The following RUFY3 variants were observed in gnomAD, a reference collection of about 807,000 sequenced individuals.
The protein encoded by RUFY3 is protein RUFY3.
In RUFY3, 34 loss-of-function variants were observed where a neutral mutation model predicts 84.0. The ratio of observed to expected loss-of-function variants is 0.40; its 90% CI spans 0.31 to 0.54. The LOEUF is 0.54. Ranked by LOEUF, RUFY3 falls within the 20% of genes least tolerant of loss-of-function variation. The pLI, the probability that RUFY3 is intolerant of heterozygous loss-of-function variation, is 0.39. For synonymous variants in RUFY3, 242 were observed against 252.9 expected, an observed-to-expected ratio of 0.96 and a Z score of 0.41; for missense variants, 507 against 736.8, an observed-to-expected ratio of 0.69 and a Z score of 3.61.
intron 1 of RUFY3, among the ~76,000 whole-genome samples, chr4:70,760,468 A>G (rs1724830814): frequency 6.6e-6 from 1 of 152,004 alleles, no homozygotes; most frequent in Non-Finnish European, 1.5e-5. Context: ...TCTAGTACCA[A>G]CCATAGTCTC....
At chr4:70,708,605 A>G (rs199784390) in intron 1 of RUFY3, among the ~76,000 whole-genome samples, 257 of 152,362 alleles carry the variant, frequency 1.7e-3, no homozygotes, top group Middle Eastern at 6.8e-3. Flanking sequence ...AAAAGTATAT[A>G]AAATATTATA....
At chr4:70,783,281 G>A in intron 9 of RUFY3, 98 bp downstream of exon 9, 2 of 732,916 alleles carry the variant, frequency 2.7e-6, no homozygotes, top group South Asian at 3.4e-5. Context: ...CAGCTGGCCT[G>A]TATCAAGCAC....
Position 70,801,067 on chromosome 4 carries a change from G to T in RUFY3, c.1622+862G>T, listed in dbSNP as rs568816166. Among the ~76,000 whole-genome samples, 316 of 151,148 alleles carry T rather than the reference G, an allele frequency of 2.1e-3. 1 individual carries two copies. Among genetic ancestry groups the T allele is most frequent in the Non-Finnish European group, 2.6e-3 (177 of 67,922 alleles). On this transcript the variant is annotated intron_variant, in intron 15 of 17. Coordinates refer to ENST00000381006, the MANE Select transcript of RUFY3 (RefSeq NM_001037442.4). ...TGACTTTTTATAGTTATTTTAGCAG[G>T]TTAGAAATATAATTAAATATTACAT...
At chr4:70,793,345 G>A (rs1731099781) in intron 12 of RUFY3, 1 of 1,015,570 alleles carries the variant, frequency 9.8e-7, no homozygotes, top group Non-Finnish European at 1.2e-6. Context: ...ATATAAGAAG[G>A]TAGTTGCCCA....
intron 14 of RUFY3, among the ~76,000 whole-genome samples, chr4:70,797,215 T>A (rs1199121189): frequency 6.6e-6 from 1 of 152,152 alleles, no homozygotes. Context: ...AGTGCTAGGA[T>A]GACAGGCATG....
At chr4:70,794,711 T>C (rs977635214) in intron 13 of RUFY3, 84 bp from the exon 14 acceptor site, 1 of 871,830 alleles carries the variant, frequency 1.1e-6, no homozygotes, top group Non-Finnish European at 1.9e-6. Flanking sequence ...TACTGCACTT[T>C]AAGACAAGGG....
intron 8 of RUFY3, 26 bp from the exon 9 acceptor site, chr4:70,783,065 G>T (rs762683472): frequency 1.5e-6 from 2 of 1,371,192 alleles, no homozygotes; most frequent in Non-Finnish European, 2.0e-6. Context: ...AAAGATAAAA[G>T]ATTATTTTTA....
intron 1 of RUFY3, among the ~76,000 whole-genome samples, chr4:70,752,741 T>C (rs1416893452): frequency 6.6e-6 from 1 of 152,234 alleles, no homozygotes; most frequent in Non-Finnish European, 1.5e-5. Flanking sequence ...TGGACCGACC[T>C]TGCATTCTGT....
At chr4:70,791,633 T>G (rs1730832166) in intron 12 of RUFY3, 3 of 1,062,326 alleles carry the variant, frequency 2.8e-6, no homozygotes, top group Non-Finnish European at 3.4e-6. Flanking sequence ...TAATGATGCC[T>G]TTACAACCCA....
At chr4:70,724,160 C>T (rs28508358) in intron 1 of RUFY3, among the ~76,000 whole-genome samples, 15,024 of 152,090 alleles carry the variant, frequency 0.099, 1,595 homozygotes, top group African/African-American at 0.27. Context: ...ATATTTTCAT[C>T]AAAACATCGT....
chr4:70,765,632 T>TTCTAA (rs1317058362), intron 4 of RUFY3, among the ~76,000 whole-genome samples: 7 of 152,200 alleles, frequency 4.6e-5, no homozygotes, highest in Non-Finnish European at 1.0e-4. Context: ...TTCATTCCAG[T>TTCTAA]TCTACTCAGT....
At chr4:70,802,591 T>A (rs985673293) in intron 15 of RUFY3, among the ~76,000 whole-genome samples, 1 of 152,156 alleles carries the variant, frequency 6.6e-6, no homozygotes, top group Non-Finnish European at 1.5e-5. Context: ...TTCCATAATA[T>A]CAAATAGAAA....
intron 1 of RUFY3, among the ~76,000 whole-genome samples, chr4:70,713,212 G>A (rs1741185355): frequency 6.6e-6 from 1 of 152,104 alleles, no homozygotes; most frequent in Non-Finnish European, 1.5e-5. Flanking sequence ...TAGTAGAGAC[G>A]GGGTTTTGCC....
chr4:70,779,333 C>T (rs907788517), intron 8 of RUFY3, among the ~76,000 whole-genome samples: 1 of 152,134 alleles, frequency 6.6e-6, no homozygotes, highest in Admixed American at 6.5e-5. Context: ...AGAGTGTTTA[C>T]AATACACTTC....
chr4:70,755,975 A>T (rs918636858), intron 1 of RUFY3, among the ~76,000 whole-genome samples: 2 of 151,752 alleles, frequency 1.3e-5, no homozygotes, highest in African/African-American at 2.4e-5. Context: ...GGAAAAAAAG[A>T]ACATTGATTT....
chr4:70,714,083 A>G lies in RUFY3; in HGVS notation c.358+8789A>G, dbSNP rs184202201. On this transcript the variant is annotated intron_variant, in intron 1 of 11. Transcript: ENST00000417478. ...ATTATTATCCCCATTTTGTTAATGT[A>G]GAAATGGGCACAGAGAAGTAACTTG... Among the ~76,000 whole-genome samples, 6 of 152,332 alleles carry G rather than the reference A, an allele frequency of 3.9e-5. No individual in the cohort carries two copies. In the East Asian group the frequency reaches 1.2e-3, roughly 29 times the overall value.
In RUFY3 at chr4:70,768,622, T is replaced by C. The variant is rs368488073; in HGVS notation, c.657T>C (p.Asp219=). The C allele has an allele frequency of 1.9e-5, 30 of 1,613,980 alleles. No individual in the cohort carries two copies. The African/African-American group carries it at 3.9e-4, about 21-fold the overall frequency. ...AGLLVGLNVI[D]ANFCMKGEDL... ...TGTTGGTGGGTCTGAATGTCATTGATGCCAATTTCTGTATGAAAGGAGAAG... is the reference window on the plus strand; with the variant it reads ...TGTTGGTGGGTCTGAATGTCATTGACGCCAATTTCTGTATGAAAGGAGAAG... The change falls in exon 5 of 18, where the codon GAT becomes GAC. Residue 219 remains aspartate (D), a synonymous_variant. Transcript: ENST00000381006.
chr4:70,772,737 C>T (rs527243760), intron 5 of RUFY3, among the ~76,000 whole-genome samples: 8 of 151,534 alleles, frequency 5.3e-5, no homozygotes, highest in South Asian at 2.1e-4. Context: ...CCTGGCTTAC[C>T]GCAACCTCCA....
exon 1 of RUFY3, chr4:70,705,144 C>T: frequency 2.1e-6 from 3 of 1,456,300 alleles, no homozygotes; most frequent in Non-Finnish European, 1.8e-6. Context: ...CCTGCTGTAC[C>T]CCGGCGATGG....
Sources: allele counts gnomAD v4.1 joint callset (sites outside exome capture counted in the v4.1 genomes callset), GRCh38; gene constraint gnomAD v4.1.1; transcripts MANE v1.5; gene names NCBI Gene and HGNC (gene_info 2026-07-23, HGNC 2026-07-21).